Variants in TTC39C observed in about 807,000 individuals in gnomAD.
The protein encoded by TTC39C is tetratricopeptide repeat protein 39C.
TTC39C carries 33 observed loss-of-function variants against 76.3 expected under a neutral mutation model. That is an observed-to-expected ratio of 0.43 (90% confidence interval 0.33 to 0.58). The LOEUF is 0.58. Among genes scored for constraint, TTC39C ranks in the 20% least tolerant of loss-of-function variants. The pLI is 0.04. For missense variants in TTC39C, 595 were observed against 701.4 expected (o/e 0.85, Z 1.71); for synonymous variants, 254 against 260.6 (o/e 0.97, Z 0.24).
chr18:24,058,899 A>G (rs1173661360), intron 1 of TTC39C, among the ~76,000 whole-genome samples: 1 of 152,078 alleles, frequency 6.6e-6, no homozygotes, highest in East Asian at 1.9e-4. Flanking sequence ...TAATATGTTT[A>G]CTGACTTTTG....
At chr18:24,034,574 ATCC>A (rs1439476108) in intron 1 of TTC39C, among the ~76,000 whole-genome samples, 1 of 152,210 alleles carries the variant, frequency 6.6e-6, no homozygotes, top group African/African-American at 2.4e-5. Flanking sequence ...CATCACCAGC[ATCC>A]ATCTCCAGAA....
intron 1 of TTC39C, among the ~76,000 whole-genome samples, chr18:24,008,505 A>C (rs974519993): frequency 6.6e-6 from 1 of 152,232 alleles, no homozygotes; most frequent in African/African-American, 2.4e-5. Flanking sequence ...AGTTACGTGA[A>C]TAGAAGGAAA....
At chr18:24,071,080 C>G (rs574131239) in intron 4 of TTC39C, among the ~76,000 whole-genome samples, 3 of 152,132 alleles carry the variant, frequency 2.0e-5, no homozygotes, top group East Asian at 1.9e-4. Flanking sequence ...AGGCGCCCAC[C>G]ACCACGCCCA....
chr18:24,107,874 A>C (rs1405098915), intron 6 of TTC39C, among the ~76,000 whole-genome samples: 1 of 123,450 alleles, frequency 8.1e-6, no homozygotes, highest in Non-Finnish European at 1.7e-5. Context: ...TCCTCCCACC[A>C]CAGCCTCCCA....
At chr18:24,071,247 G>A (rs1481328791) in intron 4 of TTC39C, among the ~76,000 whole-genome samples, 1 of 152,134 alleles carries the variant, frequency 6.6e-6, no homozygotes, top group Admixed American at 6.5e-5. Flanking sequence ...AAATGAGTAC[G>A]TCTGTCTTTC....
At position 24,080,940 on chromosome 18, in the gene TTC39C, G is replaced by A. The variant is rs765113892; in HGVS notation, c.815+1G>A. 5.6e-6 allele frequency: 9 copies of A among 1,597,660 alleles called. No individual in the cohort carries two copies. The highest frequency in any genetic ancestry group is 2.7e-5 in the African/African-American group (2 of 74,430). ...AGGACATGAAGGCCCCTTTAGCTACGTGAGTAGCTGTATTGCAATGCTTTG... is the reference window on the plus strand; with the variant it reads ...AGGACATGAAGGCCCCTTTAGCTACATGAGTAGCTGTATTGCAATGCTTTG... On this transcript the variant is annotated splice_donor_variant, in intron 5 of 13. Transcript: ENST00000317571. LOFTEE classifies it high-confidence loss of function.
chr18:24,123,559 A>C, intron 8 of TTC39C: 2 of 259,172 alleles, frequency 7.7e-6, no homozygotes, highest in Non-Finnish European at 1.5e-5. Context: ...GGCATGTGCC[A>C]CCACGCCTGG....
chr18:24,106,940 G>A (rs1261951010), intron 6 of TTC39C, among the ~76,000 whole-genome samples: 2 of 152,124 alleles, frequency 1.3e-5, no homozygotes, highest in Non-Finnish European at 2.9e-5. Context: ...CTGCCTTGGC[G>A]TCCCAAAGTG....
chr18:24,110,628 G>T (rs1301281877), intron 6 of TTC39C, among the ~76,000 whole-genome samples: 1 of 152,178 alleles, frequency 6.6e-6, no homozygotes, highest in Non-Finnish European at 1.5e-5. Flanking sequence ...TCTTACAGTT[G>T]CTAGAAGAAC....
chr18:24,048,613 TC>T (rs1398165429), intron 1 of TTC39C, among the ~76,000 whole-genome samples: 2 of 152,256 alleles, frequency 1.3e-5, no homozygotes, highest in Admixed American at 6.5e-5. Flanking sequence ...ACTTTTTTTT[TC>T]CTATCTCTAT....
intron 1 of TTC39C, among the ~76,000 whole-genome samples, chr18:24,006,856 G>A (rs1286987746): frequency 6.6e-6 from 1 of 152,106 alleles, no homozygotes; most frequent in Non-Finnish European, 1.5e-5. Flanking sequence ...TGTGTATCTG[G>A]CTACGTGTCT....
At chr18:24,016,552 A>G (rs996019831) in intron 1 of TTC39C, 2 of 396,378 alleles carry the variant, frequency 5.0e-6, no homozygotes, top group Non-Finnish European at 8.9e-6. Context: ...CTCCTGTGAT[A>G]TTTATTTTAA....
At chr18:24,050,364 G>A (rs2083932507) in intron 1 of TTC39C, among the ~76,000 whole-genome samples, 1 of 152,004 alleles carries the variant, frequency 6.6e-6, no homozygotes, top group South Asian at 2.1e-4. Flanking sequence ...GAGGTCAGGA[G>A]TTCAAGGCCA....
At position 24,018,383 on chromosome 18, in the gene TTC39C, C is replaced by CCACA. The variant is rs10631202; in HGVS notation, c.167+3355_167+3358dup. 5.5e-4 allele frequency among the ~76,000 whole-genome samples: 83 copies of CCACA among 151,472 alleles called. 3 individuals carry two copies. The highest frequency in any genetic ancestry group is 3.5e-3 in the South Asian group (17 of 4,800). On this transcript the variant is annotated intron_variant, in intron 1 of 13. Coordinates refer to ENST00000317571, the MANE Select transcript of TTC39C (RefSeq NM_001135993.2). ...TAGTCTAGCAGCAGTCGCTCCCCCT[C>CCACA]CACACACACACACTCATTCCCTTCC...
chr18:24,125,040 G>A (rs2085030767), intron 9 of TTC39C, among the ~76,000 whole-genome samples: 2 of 152,266 alleles, frequency 1.3e-5, no homozygotes, highest in South Asian at 4.1e-4. Flanking sequence ...TTACAGGCAT[G>A]TGCCACCATA....
chr18:24,020,283 G>T lies in TTC39C; in HGVS notation c.167+5245G>T, dbSNP rs942250695. The T allele has an allele frequency of 3.7e-5, 37 of 998,922 alleles. No individual in the cohort carries two copies. The African/African-American group carries it at 5.9e-4, about 16-fold the overall frequency. The allele number at this position is 998,922 out of a possible 1,614,324, so 61.9% of individuals were successfully genotyped here. On this transcript the variant is annotated intron_variant, in intron 1 of 13. Coordinates refer to ENST00000317571, the MANE Select transcript of TTC39C (RefSeq NM_001135993.2). ...AGGTCCTAATTAAATATTCATTAAA[G>T]ATTCATTTGGCTTGAGATTCCTTTT...
intron 6 of TTC39C, among the ~76,000 whole-genome samples, chr18:24,101,220 G>A (rs1294267260): frequency 1.3e-5 from 2 of 150,572 alleles, no homozygotes; most frequent in African/African-American, 2.5e-5. Context: ...TTGTGAATTA[G>A]ATCTCAATAA....
At chr18:24,015,240 G>A in intron 1 of TTC39C, 1 of 478,470 alleles carries the variant, frequency 2.1e-6, no homozygotes, top group Non-Finnish European at 3.5e-6. Flanking sequence ...CCCCGGCTCC[G>A]TTGTCCTTTC....
chr18:23,995,185 C>T (rs1035276502), intron 1 of TTC39C, among the ~76,000 whole-genome samples: 54 of 152,122 alleles, frequency 3.5e-4, no homozygotes, highest in African/African-American at 1.2e-3. Flanking sequence ...TAAATGGAAT[C>T]GGCCAGGCGT....
Sources: gnomAD v4.1 joint callset for allele counts (sites outside exome capture counted in the v4.1 genomes callset) on GRCh38, gnomAD v4.1.1 for gene constraint, MANE v1.5 for transcripts, NCBI Gene and HGNC (gene_info 2026-07-23, HGNC 2026-07-21) for gene names.